The following PRKCE variants were observed in gnomAD, a reference collection of about 807,000 sequenced individuals.
PRKCE encodes protein kinase C epsilon type.
In PRKCE, 16 loss-of-function variants were observed where a neutral mutation model predicts 85.4. The observed-to-expected ratio is 0.19, with a 90% CI of 0.13 to 0.28. PRKCE has a LOEUF of 0.28. Ranked by LOEUF, PRKCE falls within the 10% of genes least tolerant of loss-of-function variation. PRKCE has a pLI of 1.00. For missense variants in PRKCE, 573 were observed against 975.2 expected (o/e 0.59, Z 5.49); for synonymous variants, 388 against 371.5 (o/e 1.04, Z -0.51).
At chr2:46,086,184 T>C (rs1669622276) in intron 10 of PRKCE, 24 bp from the exon 11 acceptor site, 2 of 1,598,138 alleles carry the variant, frequency 1.3e-6, no homozygotes, top group East Asian at 4.5e-5. Context: ...ATGACCCAAA[T>C]GGCATTTTCT....
At chr2:45,674,405 T>G (rs1419767210) in intron 1 of PRKCE, among the ~76,000 whole-genome samples, 3 of 152,216 alleles carry the variant, frequency 2.0e-5, no homozygotes, top group Non-Finnish European at 2.9e-5. Flanking sequence ...CAGGAAAAGA[T>G]GGACTTTTGG....
chr2:45,727,713 G>C (rs1333037473), intron 1 of PRKCE, among the ~76,000 whole-genome samples: 4 of 152,152 alleles, frequency 2.6e-5, no homozygotes, highest in African/African-American at 9.7e-5. Flanking sequence ...AGAGTGCAGT[G>C]GTGCGATCTC....
chr2:46,016,241 CTT>C (rs1706131559), intron 10 of PRKCE, among the ~76,000 whole-genome samples: 2 of 152,148 alleles, frequency 1.3e-5, no homozygotes, highest in Non-Finnish European at 2.9e-5. Flanking sequence ...TGTGACAAGA[CTT>C]TTATGGCAGG....
chr2:46,010,697 C>G, intron 10 of PRKCE, 180 bp downstream of exon 10: 2 of 1,598,486 alleles, frequency 1.3e-6, no homozygotes, highest in Non-Finnish European at 1.7e-6. Flanking sequence ...ACAGGATTTT[C>G]CATTCAAGGT....
chr2:45,928,762 A>G (rs1391979847), intron 2 of PRKCE, among the ~76,000 whole-genome samples: 1 of 152,092 alleles, frequency 6.6e-6, no homozygotes, highest in African/African-American at 2.4e-5. Flanking sequence ...GCCCCCCACT[A>G]ATAGTGTGGA....
At chr2:45,949,687 A>G (rs946568190) in intron 2 of PRKCE, among the ~76,000 whole-genome samples, 9 of 151,874 alleles carry the variant, frequency 5.9e-5, no homozygotes, top group Admixed American at 2.0e-4. Context: ...TGCTTTTTGC[A>G]CTGGGTCTAA....
chr2:45,875,069 G>A (rs571022334), intron 2 of PRKCE, among the ~76,000 whole-genome samples: 17 of 152,156 alleles, frequency 1.1e-4, no homozygotes, highest in South Asian at 8.3e-4. Context: ...ACCCCACCAG[G>A]TGCCTCCAGT....
chr2:45,887,998 G>A (rs367684196), intron 2 of PRKCE, among the ~76,000 whole-genome samples: 106 of 152,286 alleles, frequency 7.0e-4, no homozygotes, highest in African/African-American at 2.4e-3. Flanking sequence ...ATGTATGCTG[G>A]AAGCCAATCC....
In PRKCE at chr2:46,037,938, T is replaced by C. The variant is rs539755238; in HGVS notation, c.1437+27421T>C. ...TCCTTGATGCTTATTTTCTTTATCTTAAAAACATAAAAAATAAATGAGGAT... is the reference window on the plus strand; with the variant it reads ...TCCTTGATGCTTATTTTCTTTATCTCAAAAACATAAAAAATAAATGAGGAT... On this transcript the variant is annotated intron_variant, in intron 10 of 14. Coordinates refer to ENST00000306156, the MANE Select transcript of PRKCE (RefSeq NM_005400.3). 3.9e-5 allele frequency among the ~76,000 whole-genome samples: 6 copies of C among 152,306 alleles called. No individual in the cohort carries two copies. In the East Asian group the frequency reaches 9.6e-4, roughly 24 times the overall value.
chr2:46,048,795 T>G (rs893158066), intron 10 of PRKCE, among the ~76,000 whole-genome samples: 1 of 152,188 alleles, frequency 6.6e-6, no homozygotes, highest in Non-Finnish European at 1.5e-5. Context: ...GCTCAGAACC[T>G]TCACCAGCTC....
chr2:45,790,203 C>T (rs1686928373), intron 1 of PRKCE, among the ~76,000 whole-genome samples: 1 of 152,136 alleles, frequency 6.6e-6, no homozygotes, highest in Admixed American at 6.5e-5. Flanking sequence ...ATCCTTCAGC[C>T]TTTGGATGAA....
chr2:45,964,153 G>A (rs532550212), intron 2 of PRKCE, among the ~76,000 whole-genome samples: 3 of 152,162 alleles, frequency 2.0e-5, no homozygotes, highest in African/African-American at 7.2e-5. Context: ...TTATTTGTTC[G>A]AGGGAGGAAT....
chr2:46,065,429 C>T (rs1667548938), intron 10 of PRKCE, among the ~76,000 whole-genome samples: 1 of 152,136 alleles, frequency 6.6e-6, no homozygotes, highest in Non-Finnish European at 1.5e-5. Context: ...TCTCTGACTC[C>T]ACCAGTAGCC....
chr2:45,653,376 T>TTG (rs1675226752), intron 1 of PRKCE, among the ~76,000 whole-genome samples: 2 of 120,250 alleles, frequency 1.7e-5, no homozygotes, highest in Non-Finnish European at 3.4e-5. Context: ...GGTTGTTTTT[T>TTG]TTTTTTTTTT....
At chr2:46,066,033 C>T (rs886064005) in intron 10 of PRKCE, among the ~76,000 whole-genome samples, 13 of 152,162 alleles carry the variant, frequency 8.5e-5, no homozygotes, top group African/African-American at 2.7e-4. Context: ...ATTTAACAGA[C>T]GTTCCAAAAA....
chr2:45,904,941 G>A (rs1696860694), intron 2 of PRKCE, among the ~76,000 whole-genome samples: 1 of 152,212 alleles, frequency 6.6e-6, no homozygotes, highest in African/African-American at 2.4e-5. Flanking sequence ...GGGTCCACGT[G>A]TGAGGTCCCG....
chr2:46,116,120 A>C (rs1672744062), intron 11 of PRKCE, among the ~76,000 whole-genome samples: 1 of 152,190 alleles, frequency 6.6e-6, no homozygotes, highest in Non-Finnish European at 1.5e-5. Flanking sequence ...CGTTTTTATT[A>C]GTCTTGTCTC....
intron 11 of PRKCE, among the ~76,000 whole-genome samples, chr2:46,116,469 G>T (rs913610583): frequency 1.3e-5 from 2 of 152,222 alleles, no homozygotes; most frequent in Non-Finnish European, 2.9e-5. Context: ...TGTGAAAGGA[G>T]ATTGGAGAAA....
At chr2:45,698,291 C>A (rs1444683141) in intron 1 of PRKCE, among the ~76,000 whole-genome samples, 2 of 152,142 alleles carry the variant, frequency 1.3e-5, no homozygotes, top group Non-Finnish European at 2.9e-5. Context: ...TACCAGCATC[C>A]TAAAATCATA....
Sources: gnomAD v4.1 joint callset for allele counts (sites outside exome capture counted in the v4.1 genomes callset) on GRCh38, gnomAD v4.1.1 for gene constraint, MANE v1.5 for transcripts, NCBI Gene and HGNC (gene_info 2026-07-23, HGNC 2026-07-21) for gene names.